TMPRSS15: variants seen among roughly 807,000 people sequenced by gnomAD.
TMPRSS15 encodes transmembrane serine protease 15.
A neutral mutation model predicts 125.3 loss-of-function variants in TMPRSS15; 128 were observed. That is an observed-to-expected ratio of 1.02 (90% CI 0.89 to 1.18). TMPRSS15 has a LOEUF of 1.18. Ranked by LOEUF, TMPRSS15 falls within the 50% of genes most tolerant of loss-of-function variation. TMPRSS15 has a pLI of 0.00. For synonymous variants in TMPRSS15, 446 were observed against 423.2 expected, an observed-to-expected ratio of 1.05 and a Z score of -0.66; for missense variants, 1,283 against 1,212.7, an observed-to-expected ratio of 1.06 and a Z score of -0.86.
intron 18 of TMPRSS15, among the ~76,000 whole-genome samples, chr21:18,306,037 AATCAAAAAATTTTAAAAAT>A (rs2075035373): frequency 6.6e-6 from 1 of 152,222 alleles, no homozygotes; most frequent in Non-Finnish European, 1.5e-5. Context: ...TGAAGTTGCA[AATCAAAAAATTTTAAAAAT>A]GTAAAATATT....
At chr21:18,367,569 G>C (rs1320542091) in intron 6 of TMPRSS15, among the ~76,000 whole-genome samples, 1 of 152,100 alleles carries the variant, frequency 6.6e-6, no homozygotes, top group Non-Finnish European at 1.5e-5. Flanking sequence ...AAATAACATG[G>C]ACTCAAAGAT....
chr21:18,485,511 T>C (rs1979062122), intron 1 of TMPRSS15, among the ~76,000 whole-genome samples: 2 of 152,004 alleles, frequency 1.3e-5, no homozygotes, highest in African/African-American at 4.8e-5. Flanking sequence ...TGCTAAGTAA[T>C]CTTTTTTGTT....
chr21:18,276,403 A>C (rs2074620624), intron 23 of TMPRSS15, among the ~76,000 whole-genome samples: 3 of 152,256 alleles, frequency 2.0e-5, no homozygotes, highest in Non-Finnish European at 4.4e-5. Flanking sequence ...ACATTACTAG[A>C]TAACTTTTCA....
intron 1 of TMPRSS15, among the ~76,000 whole-genome samples, chr21:18,428,592 A>G (rs772311228): frequency 6.6e-6 from 1 of 152,142 alleles, no homozygotes. Flanking sequence ...AAAGGGGCCA[A>G]TGTAGAGTGC....
intron 21 of TMPRSS15, among the ~76,000 whole-genome samples, chr21:18,291,917 A>C (rs115328033): frequency 1.1e-3 from 174 of 152,300 alleles, no homozygotes; most frequent in African/African-American, 4.1e-3. Context: ...GAGAAGCAGG[A>C]GCCTAGGAGA....
At chr21:18,272,720 T>C (rs2074573053) in intron 24 of TMPRSS15, among the ~76,000 whole-genome samples, 1 of 152,070 alleles carries the variant, frequency 6.6e-6, no homozygotes, top group Non-Finnish European at 1.5e-5. Context: ...AGCAAAACTC[T>C]GACTCAAAAA....
At chr21:18,465,569 G>A (rs1978642895) in intron 1 of TMPRSS15, among the ~76,000 whole-genome samples, 1 of 152,098 alleles carries the variant, frequency 6.6e-6, no homozygotes, top group Admixed American at 6.6e-5. Flanking sequence ...AAAGTCTCAG[G>A]ATACAAAATC....
At chr21:18,359,677 C>A in intron 8 of TMPRSS15, 80 bp downstream of exon 8, 1 of 671,094 alleles carries the variant, frequency 1.5e-6, no homozygotes. Flanking sequence ...ACTTCAAAAT[C>A]AAAGGGAAAA....
chr21:18,339,913 G>A (rs1003699267), intron 13 of TMPRSS15, among the ~76,000 whole-genome samples: 1 of 152,180 alleles, frequency 6.6e-6, no homozygotes, highest in Non-Finnish European at 1.5e-5. Context: ...AAGAGCACAA[G>A]TAGACACAGG....
intron 16 of TMPRSS15, among the ~76,000 whole-genome samples, chr21:18,325,346 T>C (rs1272234385): frequency 6.6e-6 from 1 of 152,104 alleles, no homozygotes; most frequent in African/African-American, 2.4e-5. Flanking sequence ...TACTTCTACC[T>C]AAGTAGCATG....
At chr21:18,298,363 G>A (rs1055074478) in intron 18 of TMPRSS15, among the ~76,000 whole-genome samples, 2 of 152,108 alleles carry the variant, frequency 1.3e-5, no homozygotes, top group Admixed American at 6.5e-5. Flanking sequence ...CAATTCAAAG[G>A]CTAACAAGCC....
chr21:18,397,840 T>C (rs1433658363), intron 3 of TMPRSS15, 39 bp downstream of exon 3: 1 of 1,154,606 alleles, frequency 8.7e-7, no homozygotes, highest in Non-Finnish European at 1.3e-6. Flanking sequence ...AAAAAATCAC[T>C]AATTTTCCAT....
At chr21:18,350,256 A>C (rs1212793882) in intron 10 of TMPRSS15, among the ~76,000 whole-genome samples, 1 of 152,150 alleles carries the variant, frequency 6.6e-6, no homozygotes, top group African/African-American at 2.4e-5. Flanking sequence ...TTAATTATGT[A>C]TGAGAGTATT....
At chr21:18,380,854 CAT>C (rs1179214525) in intron 4 of TMPRSS15, among the ~76,000 whole-genome samples, 2 of 152,094 alleles carry the variant, frequency 1.3e-5, no homozygotes, top group Non-Finnish European at 2.9e-5. Flanking sequence ...GTTTATTAAT[CAT>C]AGTTCTATAG....
At chr21:18,276,522 C>T (rs146376010) in intron 23 of TMPRSS15, among the ~76,000 whole-genome samples, 67 of 152,242 alleles carry the variant, frequency 4.4e-4, no homozygotes, top group African/African-American at 1.5e-3. Context: ...GCTTGGCAGA[C>T]TTTAATTTTA....
intron 24 of TMPRSS15, among the ~76,000 whole-genome samples, chr21:18,271,783 G>A (rs2074559777): frequency 6.6e-6 from 1 of 151,912 alleles, no homozygotes; most frequent in African/African-American, 2.4e-5. Context: ...CTGTGTCCAT[G>A]TGTTCTCATT....
intron 1 of TMPRSS15, among the ~76,000 whole-genome samples, chr21:18,435,535 G>A (rs1225982368): frequency 6.6e-6 from 1 of 152,162 alleles, no homozygotes; most frequent in East Asian, 1.9e-4. Flanking sequence ...CGGTTTTCCA[G>A]TATTTTATTG....
chr21:18,406,528 C>T (rs2076152305), upstream of TMPRSS15, among the ~76,000 whole-genome samples: 1 of 151,858 alleles, frequency 6.6e-6, no homozygotes, highest in South Asian at 2.1e-4. Context: ...ACAAAAAGGG[C>T]AAAACCAAAC....
chr21:18,445,210 T>G (rs1010263498), intron 1 of TMPRSS15, among the ~76,000 whole-genome samples: 1 of 74,866 alleles, frequency 1.3e-5, no homozygotes, highest in African/African-American at 3.2e-5. Context: ...TACCACATTT[T>G]TTTTTTTTTT....
Sources: allele counts gnomAD v4.1 joint callset (sites outside exome capture counted in the v4.1 genomes callset), GRCh38; gene constraint gnomAD v4.1.1; transcripts MANE v1.5; gene names NCBI Gene and HGNC (gene_info 2026-07-23, HGNC 2026-07-21).